The following TOR1AIP2 variants were observed in gnomAD, a reference collection of about 807,000 sequenced individuals.
TOR1AIP2 encodes torsin 1A interacting protein 2.
Under a neutral mutation model 32.6 loss-of-function variants are expected in TOR1AIP2, and 20 were observed. The ratio of observed to expected loss-of-function variants is 0.61; its 90% confidence interval spans 0.43 to 0.89. TOR1AIP2 has a LOEUF of 0.89. TOR1AIP2 is among the 40% of genes least tolerant of loss of function. The pLI, the probability that TOR1AIP2 is intolerant of heterozygous loss-of-function variation, is 0.00. For synonymous variants in TOR1AIP2, 214 were observed against 210.8 expected (o/e 1.02, Z -0.13); for missense variants, 456 against 553.8 (o/e 0.82, Z 1.77).
intron 2 of TOR1AIP2, chr1:179,874,553 A>G (rs1200742028): frequency 1.3e-5 from 2 of 152,282 alleles, no homozygotes; most frequent in African/African-American, 2.4e-5. Context: ...CTTGAGCCCA[A>G]CGGTTCAGAG....
In TOR1AIP2 at chr1:179,852,769, C is replaced by T. The variant is rs1465864207; in HGVS notation, c.-104G>A. ...TTCTTGTCCCAAGTCCCAACAGACT[C>T]ATGCTTCCCATGGACCCAGGAAATA... On this transcript the variant is annotated 5_prime_UTR_variant, in exon 4 of 7. It removes an upstream start codon present in the reference 5' UTR. Coordinates refer to ENST00000609928, the MANE Select transcript of TOR1AIP2 (RefSeq NM_001199260.2). 6.3e-7 allele frequency: 1 copy of T among 1,583,516 alleles called. No individual in the cohort carries two copies. The highest frequency in any genetic ancestry group is 2.3e-5 in the East Asian group (1 of 43,400).
chr1:179,868,297 T>C (rs1037171015), intron 2 of TOR1AIP2: 23 of 152,220 alleles, frequency 1.5e-4, no homozygotes, highest in Admixed American at 6.5e-5. Context: ...CATTTTGCTA[T>C]ATTATTTATT....
In TOR1AIP2 at chr1:179,851,039, G is replaced by A; in HGVS notation, c.359C>T (p.Ser120Phe). 6.2e-7 allele frequency: 1 copy of A among 1,614,208 alleles called. No homozygotes were observed. The highest frequency in any genetic ancestry group is 8.5e-7 in the Non-Finnish European group (1 of 1,180,032). ...KEPLDPDPSH[S>F]PSDKVGRADA... Reference sequence around the variant, plus strand: ...TGCTCTTCCTACCTTGTCACTTGGAGAATGGCTGGGATCTGGATCCAAGGG... The same window carrying A: ...TGCTCTTCCTACCTTGTCACTTGGAAAATGGCTGGGATCTGGATCCAAGGG... The change falls in exon 5 of 7, where the codon TCT (serine) becomes TTT (phenylalanine). Residue 120 changes from serine (S) to phenylalanine (F), a missense_variant. Transcript: ENST00000609928.
At chr1:179,853,288 A>C (rs1009577700) in intron 3 of TOR1AIP2, among the ~76,000 whole-genome samples, 4 of 152,216 alleles carry the variant, frequency 2.6e-5, no homozygotes, top group Non-Finnish European at 1.5e-5. Flanking sequence ...GGCTGCTTTG[A>C]GGTGTACCAC....
rs908858486 is a variant in TOR1AIP2, at chr1:179,840,268, T to C, written c.*5803A>G. ...GCAACTGCCTGGAGCTTTGTGTTGA[T>C]GCGTCCTCAGGCCTAGAAGGAACAC... On this transcript the variant is annotated 3_prime_UTR_variant, in exon 7 of 7. Transcript: ENST00000609928. The C allele has an allele frequency of 6.6e-5, 10 of 152,240 alleles. No homozygotes were observed. The highest frequency in any genetic ancestry group is 5.9e-4 in the Admixed American group (9 of 15,288). The allele number at this position is 152,240 out of a possible 1,614,324, so 9.4% of individuals were successfully genotyped here.
intron 2 of TOR1AIP2, chr1:179,874,759 T>A (rs1005346799): frequency 6.6e-6 from 1 of 152,170 alleles, no homozygotes; most frequent in Admixed American, 6.5e-5. Flanking sequence ...AGAGATCCTA[T>A]CTCAAAAAAG....
rs919915945 is a variant in TOR1AIP2, at chr1:179,877,727, A to T, written c.-735T>A. The T allele has an allele frequency of 7.2e-5, 11 of 152,220 alleles. No individual in the cohort carries two copies. 9.4% of individuals were successfully genotyped at this position (152,220 alleles called of 1,614,324 possible). A position where few individuals can be genotyped will look rare whatever the true frequency, so the allele number is the denominator to read the frequency against. ...CGAAGTTTTAAATCGTAAAACTGTT[A>T]GTATCAGGAGAGCCCTTCGAGTATT... is the stretch of plus-strand genomic sequence containing the variant. On this transcript the variant is annotated 5_prime_UTR_variant, in exon 1 of 7. Coordinates refer to ENST00000609928, the MANE Select transcript of TOR1AIP2 (RefSeq NM_001199260.2).
In TOR1AIP2 at chr1:179,872,745, C is replaced by T. The variant is rs76712308; in HGVS notation, c.-566+4494G>A. Among the ~76,000 whole-genome samples the T allele has an allele frequency of 8.2e-3, 1,252 of 152,246 alleles. 19 individuals are homozygous for T. Among genetic ancestry groups the T allele is most frequent in the African/African-American group, 0.029 (1,216 of 41,516 alleles). ...TTGTATCTCTAGTTTCGGTTGACCA[C>T]GTAGAGGTATTAAGCTATGCACGAA... On this transcript the variant is annotated intron_variant, in intron 2 of 6. Coordinates refer to ENST00000609928, the MANE Select transcript of TOR1AIP2 (RefSeq NM_001199260.2).
chr1:179,875,567 T>C (rs567254397), intron 2 of TOR1AIP2: 1 of 152,346 alleles, frequency 6.6e-6, no homozygotes, highest in East Asian at 1.9e-4. Context: ...ATTTACATGA[T>C]AGATACTCAT....
At chr1:179,861,071 A>G (rs1571680674) in intron 3 of TOR1AIP2, 1 of 984,728 alleles carries the variant, frequency 1.0e-6, no homozygotes, top group Non-Finnish European at 1.2e-6. Context: ...TAACCTTTTC[A>G]CTCCCTGGAC....
chr1:179,871,706 T>C (rs1697015312), intron 2 of TOR1AIP2, among the ~76,000 whole-genome samples: 1 of 152,310 alleles, frequency 6.6e-6, no homozygotes, highest in East Asian at 1.9e-4. Context: ...TGAATTCCCA[T>C]TTTAAATATT....
chr1:179,874,435 A>G (rs1697118177), intron 2 of TOR1AIP2: 1 of 151,950 alleles, frequency 6.6e-6, no homozygotes, highest in Non-Finnish European at 1.5e-5. Context: ...AAAAGAAAAA[A>G]TAGTTATAAA....
intron 2 of TOR1AIP2, among the ~76,000 whole-genome samples, chr1:179,872,019 A>T (rs1697028364): frequency 6.6e-6 from 1 of 152,240 alleles, no homozygotes; most frequent in Non-Finnish European, 1.5e-5. Flanking sequence ...CATATGGATG[A>T]CAATCTTCAG....
intron 2 of TOR1AIP2, among the ~76,000 whole-genome samples, chr1:179,870,602 C>G (rs180944660): frequency 1.7e-4 from 26 of 152,076 alleles, no homozygotes; most frequent in African/African-American, 6.3e-4. Context: ...AATCTGCAGT[C>G]TTGTAATAAT....
intron 2 of TOR1AIP2, among the ~76,000 whole-genome samples, chr1:179,876,941 T>C (rs1647361494): frequency 6.6e-6 from 1 of 151,656 alleles, no homozygotes; most frequent in Admixed American, 6.6e-5. Context: ...GTAAGCAAAA[T>C]GGTAGGAGGT....
chr1:179,848,919 A>T (rs894651718), intron 5 of TOR1AIP2, among the ~76,000 whole-genome samples: 38 of 152,140 alleles, frequency 2.5e-4, no homozygotes, highest in African/African-American at 8.4e-4. Flanking sequence ...TCACAAGGTC[A>T]GGAGATCGAG....
At chr1:179,847,284 T>C (rs1695942641) in intron 6 of TOR1AIP2, among the ~76,000 whole-genome samples, 1 of 152,230 alleles carries the variant, frequency 6.6e-6, no homozygotes, top group Admixed American at 6.5e-5. Flanking sequence ...TTTTGTTTCT[T>C]GTTTAGGAAA....
chr1:179,862,601 A>G (rs1028714379), intron 3 of TOR1AIP2: 25 of 985,306 alleles, frequency 2.5e-5, no homozygotes, highest in Non-Finnish European at 3.0e-5. Context: ...TTTGTTGCAC[A>G]CCAACAGCCA....
chr1:179,863,149 CCGG>C (rs1215451764), intron 3 of TOR1AIP2: 2 of 656,386 alleles, frequency 3.0e-6, no homozygotes, highest in African/African-American at 4.0e-5. Context: ...TTGCTTGAAC[CCGG>C]AAGGCAGAGG....
Sources: gnomAD v4.1 joint callset for allele counts (sites outside exome capture counted in the v4.1 genomes callset) on GRCh38, gnomAD v4.1.1 for gene constraint, MANE v1.5 for transcripts, NCBI Gene and HGNC (gene_info 2026-07-23, HGNC 2026-07-21) for gene names.